The following MARCHF8 variants were observed in gnomAD, a reference collection of about 807,000 sequenced individuals.
The protein encoded by MARCHF8 is E3 ubiquitin-protein ligase MARCHF8.
Under a neutral mutation model 51.6 loss-of-function variants are expected in MARCHF8, and 40 were observed. The observed-to-expected ratio is 0.77, with a 90% CI of 0.60 to 1.01. The LOEUF is 1.01. Among genes scored for constraint, MARCHF8 ranks in the 50% least tolerant of loss-of-function variants. MARCHF8 has a pLI of 0.00. For missense variants in MARCHF8, 685 were observed against 708.6 expected, an observed-to-expected ratio of 0.97 and a Z score of 0.38; for synonymous variants, 263 against 280.3, an observed-to-expected ratio of 0.94 and a Z score of 0.62.
intron 2 of MARCHF8, among the ~76,000 whole-genome samples, chr10:45,512,489 C>T (rs1241225608): frequency 1.6e-4 from 24 of 151,436 alleles, no homozygotes; most frequent in Non-Finnish European, 2.1e-4. Context: ...AGGAGCCCCT[C>T]TGCCCGGCCA....
Position 45,458,324 on chromosome 10 carries a change from T to C in MARCHF8, c.1637A>G (p.His546Arg). 1 of 1,614,178 alleles carries C rather than the reference T, an allele frequency of 6.2e-7. No homozygotes were observed. The highest frequency in any genetic ancestry group is 8.5e-7 in the Non-Finnish European group (1 of 1,180,026). ...PLTEPNFENKHGYGICHSDTN... is the reference protein window; with the variant it reads ...PLTEPNFENKRGYGICHSDTN... ...GTCGGAATGACAGATTCCATATCCA[T>C]GTTTATTTTCAAAGTTGGGCTCTGT... The change falls in exon 8 of 8, where the codon CAT (histidine) becomes CGT (arginine). Residue 546 changes from histidine to arginine, a missense_variant. His to Arg is a conservative substitution (Grantham distance 29). Coordinates refer to ENST00000453424, the MANE Select transcript of MARCHF8 (RefSeq NM_001282866.2).
At chr10:45,479,973 T>C (rs991751526) in intron 3 of MARCHF8, among the ~76,000 whole-genome samples, 1 of 152,192 alleles carries the variant, frequency 6.6e-6, no homozygotes, top group Non-Finnish European at 1.5e-5. Context: ...TAGACATTTG[T>C]TGAATGGCTT....
Position 45,567,258 on chromosome 10 carries a change from G to A in MARCHF8, c.-79+26977C>T, listed in dbSNP as rs113874558. The stretch of plus-strand genomic sequence containing the variant: ...CTTCCTTTTGTTGACTGTATCCTTC[G>A]CTGTGCAGAAGCTTTTTAACTTGAT... On this transcript the variant is annotated intron_variant, in intron 1 of 6. Coordinates refer to the MARCHF8 transcript ENST00000319836. Among the ~76,000 whole-genome samples, 1,173 of 152,092 alleles carry A rather than the reference G, an allele frequency of 7.7e-3. 19 individuals are homozygous for A. Among genetic ancestry groups the A allele is most frequent in the African/African-American group, 0.026 (1,069 of 41,454 alleles).
intron 1 of MARCHF8, among the ~76,000 whole-genome samples, chr10:45,556,015 A>C (rs918285322): frequency 6.6e-6 from 1 of 152,228 alleles, no homozygotes; most frequent in African/African-American, 2.4e-5. Flanking sequence ...AACATCTTGC[A>C]TGCCCATGAT....
chr10:45,465,267 GA>G (rs1842931625), intron 3 of MARCHF8, among the ~76,000 whole-genome samples: 1 of 152,192 alleles, frequency 6.6e-6, no homozygotes, highest in Non-Finnish European at 1.5e-5. Flanking sequence ...CAGTAAGCCT[GA>G]GTAAGAATCT....
At chr10:45,566,580 A>G (rs1354536528) in intron 1 of MARCHF8, among the ~76,000 whole-genome samples, 1 of 152,146 alleles carries the variant, frequency 6.6e-6, no homozygotes, top group Non-Finnish European at 1.5e-5. Context: ...AGTTCCATCC[A>G]TATTGCTGCA....
At chr10:45,485,467 T>C (rs893205531) in intron 3 of MARCHF8, among the ~76,000 whole-genome samples, 3 of 152,188 alleles carry the variant, frequency 2.0e-5, no homozygotes, top group African/African-American at 7.2e-5. Context: ...TATCCCAATA[T>C]GCTTCTTCTA....
In MARCHF8 at chr10:45,594,310, G is replaced by A. The variant is rs117657678; in HGVS notation, c.-154C>T. 5.3e-3 allele frequency: 809 copies of A among 152,372 alleles called. 19 individuals carry two copies. The East Asian group carries it at 0.074, about 14-fold the overall frequency. 9.4% of individuals were successfully genotyped at this position (152,372 alleles called of 1,614,324 possible). A position where few individuals can be genotyped will look rare whatever the true frequency, so the allele number is the denominator to read the frequency against. ...ACGTCAGACGTGGAAGGTCCTCACG[G>A]ATCACTAGTCCGAGCTTCCATTTTA... On this transcript the variant is annotated 5_prime_UTR_variant, in exon 1 of 7. Coordinates refer to the MARCHF8 transcript ENST00000319836.
At chr10:45,495,480 T>C (rs1159158564) in intron 2 of MARCHF8, among the ~76,000 whole-genome samples, 1 of 152,136 alleles carries the variant, frequency 6.6e-6, no homozygotes, top group African/African-American at 2.4e-5. Flanking sequence ...ATAATCATGA[T>C]TTTAAGCTGA....
chr10:45,460,008 T>C (rs1842735720), intron 6 of MARCHF8: 1 of 493,210 alleles, frequency 2.0e-6, no homozygotes, highest in Non-Finnish European at 2.6e-6. Context: ...TAGTTGAAAA[T>C]AGAGCCTCAA....
rs577660065 is a variant in MARCHF8 at position 45,564,073 on chromosome 10, C to T, written c.-79+30162G>A. ...GGTGGATCACCTGAGGTCAGGAGTT[C>T]GAAACCAGCCTGGCCAACATGGTGA... On this transcript the variant is annotated intron_variant, in intron 1 of 6. Transcript: ENST00000319836. Among the ~76,000 whole-genome samples, 9 of 152,246 alleles carry T rather than the reference C, an allele frequency of 5.9e-5. No homozygotes were observed. In the East Asian group the frequency reaches 1.3e-3, roughly 23 times the overall value.
chr10:45,496,493 T>C, intron 2 of MARCHF8, among the ~76,000 whole-genome samples: 1 of 152,050 alleles, frequency 6.6e-6, no homozygotes, highest in East Asian at 1.9e-4. Context: ...CATAAGGAAA[T>C]GATATCACAT....
chr10:45,503,523 C>A (rs937015151), intron 2 of MARCHF8, among the ~76,000 whole-genome samples: 2 of 137,274 alleles, frequency 1.5e-5, no homozygotes, highest in African/African-American at 2.8e-5. Flanking sequence ...GGCGACAGAA[C>A]GAGACTCCGT....
intron 2 of MARCHF8, among the ~76,000 whole-genome samples, chr10:45,523,384 T>C (rs756219707): frequency 1.3e-5 from 2 of 152,110 alleles, no homozygotes; most frequent in Non-Finnish European, 2.9e-5. Flanking sequence ...TTTAGCCACA[T>C]GTGATGGTGT....
At chr10:45,510,190 C>T (rs778110896) in intron 2 of MARCHF8, among the ~76,000 whole-genome samples, 1 of 152,102 alleles carries the variant, frequency 6.6e-6, no homozygotes, top group African/African-American at 2.4e-5. Context: ...AGAAGGCCAG[C>T]AAGAGAGGCC....
Position 45,459,271 on chromosome 10 carries a change from G to A in MARCHF8, c.1270-4C>T. On this transcript the variant is annotated splice_polypyrimidine_tract_variant and splice_region_variant and intron_variant, in intron 6 of 7. Transcript: ENST00000453424. ...ACGTCATCTGCAACTTCTCCCACTA[G>A]AAAGACAACACAGAGTGTGAGGCTC... The A allele has an allele frequency of 1.2e-6, 2 of 1,613,812 alleles. No homozygotes were observed. The highest frequency in any genetic ancestry group is 8.5e-7 in the Non-Finnish European group (1 of 1,179,922).
chr10:45,464,340 A>C lies in MARCHF8; in HGVS notation c.154-13T>G, dbSNP rs1312950418. 1 of 1,613,104 alleles carries C rather than the reference A, an allele frequency of 6.2e-7. No individual in the cohort carries two copies. Among genetic ancestry groups the C allele is most frequent in the Non-Finnish European group, 8.5e-7 (1 of 1,179,070 alleles). ...GAGGACTCCCAGCCTGCAATGACAG[A>C]CCTGTGGTCAGTGTTCAGGTAAGAG... On this transcript the variant is annotated splice_polypyrimidine_tract_variant and intron_variant, in intron 3 of 7. Transcript: ENST00000453424.
rs191408013 is a variant in MARCHF8, at chr10:45,567,057, T to C, written c.-79+27178A>G. Reference sequence around the variant, plus strand: ...GTTGAGCACCTTTTCATATACCTGTTTGCCACTTGTACATCTTCTTTTGAG... The same window carrying C: ...GTTGAGCACCTTTTCATATACCTGTCTGCCACTTGTACATCTTCTTTTGAG... On this transcript the variant is annotated intron_variant, in intron 1 of 6. Coordinates refer to the MARCHF8 transcript ENST00000319836. Among the ~76,000 whole-genome samples the C allele has an allele frequency of 5.3e-5, 8 of 152,380 alleles. No individual in the cohort carries two copies. The East Asian group carries it at 7.7e-4, about 15-fold the overall frequency.
At chr10:45,505,139 A>G (rs2133163453) in intron 2 of MARCHF8, among the ~76,000 whole-genome samples, 1 of 152,372 alleles carries the variant, frequency 6.6e-6, no homozygotes, top group East Asian at 1.9e-4. Flanking sequence ...ACTTCACAGC[A>G]CAGGATCAAG....
Sources: gnomAD v4.1 joint callset for allele counts (sites outside exome capture counted in the v4.1 genomes callset) on GRCh38, gnomAD v4.1.1 for gene constraint, MANE v1.5 for transcripts, NCBI Gene and HGNC (gene_info 2026-07-23, HGNC 2026-07-21) for gene names.